Variants in EXOSC8 observed in about 807,000 individuals in gnomAD.
EXOSC8 encodes the protein exosome complex component RRP43.
Under a neutral mutation model 39.9 loss-of-function variants are expected in EXOSC8, and 37 were observed. That is an observed-to-expected ratio of 0.93 (90% CI 0.71 to 1.22). The LOEUF is 1.22. Ranked by LOEUF, EXOSC8 falls within the 50% of genes most tolerant of loss-of-function variation. The pLI is 0.00. For synonymous variants in EXOSC8, 93 were observed against 109.5 expected (o/e 0.85, Z 0.94); for missense variants, 313 against 326.6 (o/e 0.96, Z 0.32).
At position 37,002,474 on chromosome 13, in the gene EXOSC8, A is replaced by C; in HGVS notation, c.55-14A>C. The C allele has an allele frequency of 6.6e-7, 1 of 1,521,310 alleles. No homozygotes were observed. Among genetic ancestry groups the C allele is most frequent in the Non-Finnish European group, 9.0e-7 (1 of 1,116,410 alleles). 94.2% of individuals were successfully genotyped at this position (1,521,310 alleles called of 1,614,324 possible). ...ATAGGTATAATCTATTTTTATATAA[A>C]CATATTTATTTAGAAAGAGAACTGC... On this transcript the variant is annotated splice_polypyrimidine_tract_variant and intron_variant, in intron 2 of 10. Coordinates refer to ENST00000389704, the MANE Select transcript of EXOSC8 (RefSeq NM_181503.3).
At position 37,006,980 on chromosome 13, in the gene EXOSC8, C is replaced by T; in HGVS notation, c.396C>T (p.Val132=). The change falls in exon 8 of 11, where the codon GTC becomes GTT. Residue 132 remains valine, a synonymous_variant. Coordinates refer to ENST00000389704, the MANE Select transcript of EXOSC8 (RefSeq NM_181503.3). ...EDLCISPGKL[V]WVLYCDLICL... is the part of the protein sequence containing the mutation. The stretch of plus-strand genomic sequence containing the variant: ...TGTGTTTAATTCTATTTTAGCTTGT[C>T]TGGGTTCTATACTGTGATCTCATTT... 1.2e-6 allele frequency: 2 copies of T among 1,600,816 alleles called. No individual in the cohort carries two copies. The highest frequency in any genetic ancestry group is 1.3e-5 in the African/African-American group (1 of 74,730).
chr13:37,006,019 T>C lies in EXOSC8; in HGVS notation c.338T>C (p.Ile113Thr), dbSNP rs980823821. 3 of 1,601,788 alleles carry C rather than the reference T, an allele frequency of 1.9e-6. No individual in the cohort carries two copies. The highest frequency in any genetic ancestry group is 1.3e-5 in the African/African-American group (1 of 74,818). ...QVASQFIADV[I>T]ENSQIIQKED... The stretch of plus-strand genomic sequence containing the variant: ...GCTAGCCAGTTCATTGCAGATGTCA[T>C]TGAAAAGTAAGAGCACCATGATAAA... Residue 113 changes from isoleucine to threonine, a missense_variant, in exon 6 of 11, where the codon ATT becomes ACT. Coordinates refer to ENST00000389704, the MANE Select transcript of EXOSC8 (RefSeq NM_181503.3).
Position 37,009,326 on chromosome 13 carries a change from T to G in EXOSC8, c.*27T>G, listed in dbSNP as rs2059203937. 1.6e-6 allele frequency: 2 copies of G among 1,282,582 alleles called. No homozygotes were observed. The highest frequency in any genetic ancestry group is 2.3e-6 in the Non-Finnish European group (2 of 887,688). The allele number at this position is 1,282,582 out of a possible 1,614,324, so 79.5% of individuals were successfully genotyped here. A position where few individuals can be genotyped will look rare whatever the true frequency, so the allele number is the denominator to read the frequency against. On this transcript the variant is annotated 3_prime_UTR_variant, in exon 11 of 11. Coordinates refer to ENST00000389704, the MANE Select transcript of EXOSC8 (RefSeq NM_181503.3). ...CAGCCACCACATTTTCAAAACAGAT[T>G]TGTAAAAATTGTATTTGTTAACACT...
intron 4 of EXOSC8, 188 bp downstream of exon 4, chr13:37,003,195 T>C (rs1566073974): frequency 2.0e-6 from 1 of 501,818 alleles, no homozygotes; most frequent in Non-Finnish European, 3.5e-6. Context: ...AAGTGAACAA[T>C]TGTCAAATGT....
At chr13:37,008,935 C>T in intron 10 of EXOSC8, 100 bp downstream of exon 10, 2 of 808,418 alleles carry the variant, frequency 2.5e-6, no homozygotes, top group East Asian at 5.3e-5. Flanking sequence ...ATTTTATTTA[C>T]CTAATTTTAG....
intron 8 of EXOSC8, 31 bp downstream of exon 8, chr13:37,007,102 C>A: frequency 7.6e-7 from 1 of 1,309,430 alleles, no homozygotes; most frequent in Non-Finnish European, 1.1e-6. Flanking sequence ...GGCAATATTC[C>A]CACTCATGGG....
At chr13:37,008,223 G>C in intron 9 of EXOSC8, 46 bp downstream of exon 9, 1 of 1,475,430 alleles carries the variant, frequency 6.8e-7, no homozygotes, top group African/African-American at 1.4e-5. Context: ...TTTAAGATTA[G>C]GGTAATTGAT....
intron 7 of EXOSC8, 50 bp downstream of exon 7, chr13:37,006,210 T>A: frequency 7.5e-7 from 1 of 1,331,558 alleles, no homozygotes; most frequent in Non-Finnish European, 1.1e-6. Flanking sequence ...GAAGGGATTT[T>A]TTTTTTGTGG....
intron 4 of EXOSC8, chr13:37,003,532 T>C (rs2059119665): frequency 6.5e-6 from 1 of 152,822 alleles, no homozygotes; most frequent in African/African-American, 2.4e-5. Context: ...ATAAGACTCA[T>C]AAGTAAAACT....
At chr13:37,007,350 G>C (rs1007794474) in intron 8 of EXOSC8, among the ~76,000 whole-genome samples, 4 of 152,204 alleles carry the variant, frequency 2.6e-5, no homozygotes, top group Non-Finnish European at 5.9e-5. Flanking sequence ...CTTCTGGCTA[G>C]GTGATTGGTG....
rs772583514 is a variant in EXOSC8, at chr13:37,008,845, C to T, written c.715+10C>T. On this transcript the variant is annotated intron_variant, in intron 10 of 10. Transcript: ENST00000389704. ...TGTCTTCACAAACCAGGCATGTTCC[C>T]GCCACTTCAGTCCTAAACATATGTA... The T allele has an allele frequency of 3.2e-5, 50 of 1,542,996 alleles. No individual in the cohort carries two copies. The African/African-American group carries it at 3.4e-4, about 11-fold the overall frequency.
intron 8 of EXOSC8, among the ~76,000 whole-genome samples, chr13:37,007,676 GCT>G (rs1025698152): frequency 2.6e-5 from 4 of 152,086 alleles, no homozygotes; most frequent in Non-Finnish European, 5.9e-5. Context: ...TAGATTCCTG[GCT>G]CTCTCACTCT....
intron 7 of EXOSC8, 81 bp downstream of exon 7, chr13:37,006,241 T>A: frequency 1.1e-6 from 1 of 891,470 alleles, no homozygotes; most frequent in Non-Finnish European, 1.8e-6. Context: ...ACAAGGAAAT[T>A]AAAACCACCA....
At chr13:37,002,448 A>T (rs1566073611) in intron 2 of EXOSC8, 40 bp from the exon 3 acceptor site, 1 of 1,357,150 alleles carries the variant, frequency 7.4e-7, no homozygotes, top group Non-Finnish European at 1.0e-6. Context: ...TAAAATATGT[A>T]ATAGGTATAA....
chr13:37,005,918 A>G lies in EXOSC8; in HGVS notation c.239-2A>G. 1 of 1,363,952 alleles carries G rather than the reference A, an allele frequency of 7.3e-7. No individual in the cohort carries two copies. Among genetic ancestry groups the G allele is most frequent in the Non-Finnish European group, 1.0e-6 (1 of 965,740 alleles). The allele number at this position is 1,363,952 out of a possible 1,614,324, so 84.5% of individuals were successfully genotyped here. On this transcript the variant is annotated splice_acceptor_variant, in intron 5 of 10. Coordinates refer to ENST00000389704, the MANE Select transcript of EXOSC8 (RefSeq NM_181503.3). LOFTEE classifies it high-confidence loss of function. ...TTCATAGCTGCAGAGTGTTTCTTTC[A>G]GTTCCTAATGTGGATCTACCACCCC... is the stretch of plus-strand genomic sequence containing the variant.
chr13:37,008,578 A>C, intron 9 of EXOSC8, 151 bp from the exon 10 acceptor site: 1 of 583,940 alleles, frequency 1.7e-6, no homozygotes. Context: ...AACATGTTGA[A>C]ACCCTGTCTC....
intron 1 of EXOSC8, chr13:37,001,537 T>TAG (rs1437277053): frequency 6.6e-6 from 1 of 152,224 alleles, no homozygotes; most frequent in African/African-American, 2.4e-5. Flanking sequence ...TGGACTTTCT[T>TAG]AAAGTTTTTA....
At chr13:37,006,610 A>C (rs1179199650) in intron 7 of EXOSC8, among the ~76,000 whole-genome samples, 1 of 152,178 alleles carries the variant, frequency 6.6e-6, no homozygotes, top group East Asian at 1.9e-4. Flanking sequence ...TAAAACTTAA[A>C]CATTTCATGT....
chr13:37,004,632 A>G, intron 5 of EXOSC8, 71 bp downstream of exon 5: 3 of 938,886 alleles, frequency 3.2e-6, no homozygotes, highest in Non-Finnish European at 5.0e-6. Flanking sequence ...GTTAAGTCCT[A>G]GTTAAGTTGA....
Sources: gnomAD v4.1 joint callset for allele counts (sites outside exome capture counted in the v4.1 genomes callset) on GRCh38, gnomAD v4.1.1 for gene constraint, MANE v1.5 for transcripts, NCBI Gene and HGNC (gene_info 2026-07-23, HGNC 2026-07-21) for gene names.